The following USH2A variants were observed in gnomAD, a reference collection of about 807,000 sequenced individuals.
The protein encoded by USH2A is Usher syndrome 2A (autosomal recessive, mild).
Under a neutral mutation model 538.9 loss-of-function variants are expected in USH2A, and 443 were observed. The ratio of observed to expected loss-of-function variants is 0.82; its 90% CI spans 0.76 to 0.89. The LOEUF (loss-of-function observed/expected upper bound fraction) is 0.89, where lower values mean the gene tolerates loss of function less well. Among genes scored for constraint, USH2A ranks in the 40% least tolerant of loss-of-function variants. The pLI is 0.00. For missense variants in USH2A, 6,633 were observed against 6,324.8 expected (o/e 1.05, Z -1.65); for synonymous variants, 2,413 against 2,273.5 (o/e 1.06, Z -1.75).
intron 35 of USH2A, among the ~76,000 whole-genome samples, chr1:215,985,478 T>C (rs1235395671): frequency 6.6e-6 from 1 of 152,194 alleles, no homozygotes; most frequent in Non-Finnish European, 1.5e-5. Flanking sequence ...TAACCAGCTG[T>C]CTTGATTTTG....
At chr1:215,742,776 C>A (rs1199564875) in intron 59 of USH2A, among the ~76,000 whole-genome samples, 1 of 152,198 alleles carries the variant, frequency 6.6e-6, no homozygotes, top group East Asian at 1.9e-4. Flanking sequence ...GGGTGTAATT[C>A]AACTCTTAAA....
intron 61 of USH2A, among the ~76,000 whole-genome samples, chr1:215,706,750 G>T (rs932252679): frequency 6.6e-6 from 1 of 152,118 alleles, no homozygotes. Context: ...AAAGCATTAA[G>T]TCAACCAGCT....
chr1:216,386,473 G>A (rs571468311), intron 3 of USH2A, among the ~76,000 whole-genome samples: 3 of 149,480 alleles, frequency 2.0e-5, no homozygotes, highest in East Asian at 2.0e-4. Flanking sequence ...GCGACAGAGC[G>A]AGACTCGTCT....
At chr1:215,673,733 C>A (rs1460966206) in intron 63 of USH2A, among the ~76,000 whole-genome samples, 1 of 152,150 alleles carries the variant, frequency 6.6e-6, no homozygotes, top group East Asian at 1.9e-4. Flanking sequence ...AATAATACAT[C>A]ATTTTCTTCA....
In USH2A at chr1:216,193,643, C is replaced by T. The variant is rs144930661; in HGVS notation, c.4251+2910G>A. 1.0e-3 allele frequency among the ~76,000 whole-genome samples: 157 copies of T among 152,022 alleles called. 2 individuals carry two copies. The highest frequency in any genetic ancestry group is 3.5e-3 in the African/African-American group (144 of 41,488). On this transcript the variant is annotated intron_variant, in intron 19 of 71. Coordinates refer to ENST00000307340, the MANE Select transcript of USH2A (RefSeq NM_206933.4). ...TGGTATTTTTATGGGAGAAATGAGA[C>T]GGACACACAGACCCAGAGGAGACAG... is the stretch of plus-strand genomic sequence containing the variant.
chr1:216,333,531 G>A (rs2037909896), intron 4 of USH2A, among the ~76,000 whole-genome samples: 1 of 151,990 alleles, frequency 6.6e-6, no homozygotes, highest in Admixed American at 6.6e-5. Flanking sequence ...TAAAAGGACT[G>A]AAAGAATATT....
intron 4 of USH2A, 95 bp from the exon 5 acceptor site, chr1:216,327,749 G>T: frequency 6.8e-7 from 1 of 1,472,322 alleles, no homozygotes; most frequent in Non-Finnish European, 9.5e-7. Context: ...AGATGTTAAG[G>T]TTAAAAAGAT....
chr1:215,831,333 A>ATGATC (rs1308132263), intron 47 of USH2A, among the ~76,000 whole-genome samples: 1 of 152,166 alleles, frequency 6.6e-6, no homozygotes, highest in Non-Finnish European at 1.5e-5. Flanking sequence ...AAGTATATAG[A>ATGATC]TGATCTGAAC....
At chr1:215,886,637 C>A (rs1405863692) in intron 41 of USH2A, 3 of 152,106 alleles carry the variant, frequency 2.0e-5, no homozygotes, top group African/African-American at 7.2e-5. Flanking sequence ...GCCTTGTGGC[C>A]TCAGGTGAGT....
Position 215,741,546 on chromosome 1 carries a change from A to C in USH2A, c.11549-9T>G. The C allele has an allele frequency of 6.2e-7, 1 of 1,612,296 alleles. No homozygotes were observed. The highest frequency in any genetic ancestry group is 8.5e-7 in the Non-Finnish European group (1 of 1,179,650). On this transcript the variant is annotated splice_polypyrimidine_tract_variant and intron_variant, in intron 59 of 71. Coordinates refer to ENST00000307340, the MANE Select transcript of USH2A (RefSeq NM_206933.4). ...GCTAACTCCACAACTTCCTTGAAAA[A>C]AAAAAAATTGAGGTCTTTATTATTT...
intron 35 of USH2A, among the ~76,000 whole-genome samples, chr1:215,976,023 T>A (rs1486224666): frequency 6.6e-6 from 1 of 152,200 alleles, no homozygotes; most frequent in East Asian, 1.9e-4. Flanking sequence ...CTTGTAGACA[T>A]CTTTCACCTT....
At chr1:216,327,447 G>T in intron 5 of USH2A, 144 bp downstream of exon 5, 1 of 936,432 alleles carries the variant, frequency 1.1e-6, no homozygotes, top group Non-Finnish European at 1.7e-6. Context: ...CTAAGCCAAA[G>T]CAAACACTGT....
At chr1:215,962,052 T>C (rs966295824) in intron 37 of USH2A, among the ~76,000 whole-genome samples, 4 of 151,998 alleles carry the variant, frequency 2.6e-5, no homozygotes, top group Admixed American at 6.6e-5. Context: ...GTTTTTAAAC[T>C]TAAGAAAATA....
chr1:216,212,845 G>A (rs2035270306), intron 15 of USH2A, among the ~76,000 whole-genome samples: 3 of 151,956 alleles, frequency 2.0e-5, no homozygotes, highest in Admixed American at 2.0e-4. Context: ...ATTATAAATG[G>A]CTTATTTGGC....
intron 67 of USH2A, among the ~76,000 whole-genome samples, chr1:215,645,180 T>G (rs1371038173): frequency 6.6e-6 from 1 of 151,808 alleles, no homozygotes; most frequent in Non-Finnish European, 1.5e-5. Flanking sequence ...ATGGGTGAGC[T>G]GGGTTGTGGG....
At chr1:215,969,715 CTG>C (rs1374186461) in intron 36 of USH2A, among the ~76,000 whole-genome samples, 6 of 151,886 alleles carry the variant, frequency 4.0e-5, no homozygotes, top group African/African-American at 7.3e-5. Flanking sequence ...CAACCAATCT[CTG>C]AAACAAAAAG....
intron 61 of USH2A, among the ~76,000 whole-genome samples, chr1:215,701,905 A>G (rs1419437123): frequency 6.6e-6 from 1 of 152,122 alleles, no homozygotes; most frequent in African/African-American, 2.4e-5. Flanking sequence ...CAGTTTCTTG[A>G]TAGTGTTGAT....
intron 47 of USH2A, among the ~76,000 whole-genome samples, chr1:215,832,497 A>G (rs113193473): frequency 2.6e-5 from 4 of 152,126 alleles, no homozygotes; most frequent in African/African-American, 9.6e-5. Context: ...CAGTAAATAT[A>G]ATCGATCATA....
At chr1:215,771,049 C>T (rs534161772) in intron 55 of USH2A, among the ~76,000 whole-genome samples, 29 of 150,240 alleles carry the variant, frequency 1.9e-4, no homozygotes, top group Admixed American at 3.3e-4. Flanking sequence ...ATTGCTTGAA[C>T]CTGGGAGGCA....
Sources: allele counts gnomAD v4.1 joint callset (sites outside exome capture counted in the v4.1 genomes callset), GRCh38; gene constraint gnomAD v4.1.1; transcripts MANE v1.5; gene names NCBI Gene and HGNC (gene_info 2026-07-23, HGNC 2026-07-21).